The following KIAA1549L variants were observed in gnomAD, a reference collection of about 807,000 sequenced individuals.
The protein encoded by KIAA1549L is KIAA1549 like.
A neutral mutation model predicts 160.7 loss-of-function variants in KIAA1549L; 88 were observed. That is an observed-to-expected ratio of 0.55 (90% CI 0.46 to 0.65). The LOEUF is 0.65. Ranked by LOEUF, KIAA1549L falls within the 30% of genes least tolerant of loss-of-function variation. KIAA1549L has a pLI of 0.00. For missense variants in KIAA1549L, 2,258 were observed against 2,437.5 expected, an observed-to-expected ratio of 0.93 and a Z score of 1.55; for synonymous variants, 950 against 976.7, an observed-to-expected ratio of 0.97 and a Z score of 0.51.
In KIAA1549L at chr11:33,668,272, T is replaced by C; in HGVS notation, c.*118T>C. 1.0e-6 allele frequency: 1 copy of C among 959,740 alleles called. No individual in the cohort carries two copies. 59.5% of individuals were successfully genotyped at this position (959,740 alleles called of 1,614,324 possible). A position where few individuals can be genotyped will look rare whatever the true frequency, so the allele number is the denominator to read the frequency against. ...ATGGGTGAGTCTTTCTCACCCTCCA[T>C]TTCTGAAAAGGTGAACTATGGGGCT... is the stretch of plus-strand genomic sequence containing the variant. On this transcript the variant is annotated 3_prime_UTR_variant, in exon 21 of 21. Coordinates refer to ENST00000658780, the MANE Select transcript of KIAA1549L (RefSeq NM_012194.3).
chr11:33,565,355 C>A (rs557182240), intron 8 of KIAA1549L, among the ~76,000 whole-genome samples: 1 of 152,280 alleles, frequency 6.6e-6, no homozygotes, highest in South Asian at 2.1e-4. Context: ...CAGCAGCTAC[C>A]ATTTATTGCC....
At position 33,566,233 on chromosome 11, in the gene KIAA1549L, C is replaced by T. The variant is rs192910444; in HGVS notation, c.4079-1843C>T. Among the ~76,000 whole-genome samples, 841 of 152,178 alleles carry T rather than the reference C, an allele frequency of 5.5e-3. 7 individuals are homozygous for T. The highest frequency in any genetic ancestry group is 9.5e-3 in the Non-Finnish European group (647 of 68,008). On this transcript the variant is annotated intron_variant, in intron 8 of 20. Transcript: ENST00000658780. ...CACCGAGATTCCCATAAAATAATCCCTGATGACACCTCTCGACTGTCCTGT... is the reference window on the plus strand; with the variant it reads ...CACCGAGATTCCCATAAAATAATCCTTGATGACACCTCTCGACTGTCCTGT...
In KIAA1549L at chr11:33,430,562, C is replaced by T. The variant is rs569680788; in HGVS notation, c.238+53673C>T. 3.9e-5 allele frequency among the ~76,000 whole-genome samples: 6 copies of T among 152,308 alleles called. No homozygotes were observed. In the East Asian group the frequency reaches 1.2e-3, roughly 29 times the overall value. On this transcript the variant is annotated intron_variant, in intron 1 of 20. Coordinates refer to ENST00000658780, the MANE Select transcript of KIAA1549L (RefSeq NM_012194.3). ...ACATTTAAATATTTTTGCAGAGTTT[C>T]ATTTTTATAAGCAAAGTATGGTGAA...
At chr11:33,637,214 G>T (rs549166181) in intron 16 of KIAA1549L, among the ~76,000 whole-genome samples, 2 of 152,284 alleles carry the variant, frequency 1.3e-5, no homozygotes, top group African/African-American at 4.8e-5. Flanking sequence ...TCTGTCAGCA[G>T]CTCTGCCAGT....
At chr11:33,448,153 T>C (rs1851653520) in intron 1 of KIAA1549L, among the ~76,000 whole-genome samples, 2 of 152,218 alleles carry the variant, frequency 1.3e-5, no homozygotes, top group Non-Finnish European at 2.9e-5. Flanking sequence ...TGGGTATACA[T>C]GTGCCATGGT....
At chr11:33,652,496 A>C (rs570258676) in intron 17 of KIAA1549L, among the ~76,000 whole-genome samples, 1 of 152,260 alleles carries the variant, frequency 6.6e-6, no homozygotes, top group African/African-American at 2.4e-5. Flanking sequence ...GCTTGTCAGA[A>C]GTTCAGAATT....
chr11:33,660,343 C>T lies in KIAA1549L; in HGVS notation c.6008-520C>T, dbSNP rs532721418. On this transcript the variant is annotated intron_variant, in intron 19 of 20. Transcript: ENST00000658780. Reference sequence around the variant, plus strand: ...CTGTAATCCCAACACTTTGGGAGGCCGAGGCAGGCGGATCACAAGGTCAGG... The same window carrying T: ...CTGTAATCCCAACACTTTGGGAGGCTGAGGCAGGCGGATCACAAGGTCAGG... Among the ~76,000 whole-genome samples the T allele has an allele frequency of 9.2e-5, 14 of 152,238 alleles. No individual in the cohort carries two copies. The East Asian group carries it at 2.3e-3, about 25-fold the overall frequency.
intron 1 of KIAA1549L, among the ~76,000 whole-genome samples, chr11:33,478,652 A>G (rs1852344215): frequency 6.6e-6 from 1 of 152,230 alleles, no homozygotes; most frequent in Admixed American, 6.5e-5. Context: ...ATGGACAGAT[A>G]GAGTGGTCAC....
In KIAA1549L at chr11:33,656,116, C is replaced by A. The variant is rs776022064; in HGVS notation, c.5858+7C>A. On this transcript the variant is annotated splice_region_variant and intron_variant, in intron 18 of 20. Transcript: ENST00000658780. ...CTGTCGCTTCTCTCAGGCGGTAACA[C>A]GTTCCTTTCTTTGTTTTGTTTGGAA... is the stretch of plus-strand genomic sequence containing the variant. 14 of 1,605,404 alleles carry A rather than the reference C, an allele frequency of 8.7e-6. 1 individual carries two copies. The East Asian group carries it at 2.7e-4, about 31-fold the overall frequency.
chr11:33,568,680 A>G (rs1342454780), intron 9 of KIAA1549L, among the ~76,000 whole-genome samples: 1 of 152,148 alleles, frequency 6.6e-6, no homozygotes, highest in Non-Finnish European at 1.5e-5. Context: ...GTCAGTTTCA[A>G]CAAACAGAAC....
chr11:33,628,028 T>G (rs1851167961), intron 16 of KIAA1549L, among the ~76,000 whole-genome samples: 1 of 152,230 alleles, frequency 6.6e-6, no homozygotes, highest in Non-Finnish European at 1.5e-5. Flanking sequence ...TATTTCTGCC[T>G]TCATTCGTTA....
chr11:33,599,643 C>G (rs1311257805), intron 13 of KIAA1549L: 6 of 152,242 alleles, frequency 3.9e-5, no homozygotes, highest in Non-Finnish European at 7.3e-5. Flanking sequence ...CATCTGAGCA[C>G]CGTAGTTGTG....
chr11:33,445,870 A>T (rs1851600682), intron 1 of KIAA1549L, among the ~76,000 whole-genome samples: 1 of 152,230 alleles, frequency 6.6e-6, no homozygotes, highest in African/African-American at 2.4e-5. Context: ...CACAACAGGA[A>T]GACAGCCATC....
intron 16 of KIAA1549L, among the ~76,000 whole-genome samples, chr11:33,642,597 G>T (rs954789393): frequency 6.6e-6 from 1 of 151,580 alleles, no homozygotes; most frequent in Admixed American, 6.6e-5. Flanking sequence ...TGAGTGGTTT[G>T]GGGGGGTGGA....
intron 10 of KIAA1549L, among the ~76,000 whole-genome samples, chr11:33,575,467 A>C (rs904253305): frequency 3.3e-5 from 5 of 152,236 alleles, no homozygotes; most frequent in African/African-American, 1.2e-4. Flanking sequence ...GGCAGCTGCT[A>C]TGCGAGTTAC....
chr11:33,643,273 T>C (rs1222697798), intron 16 of KIAA1549L, among the ~76,000 whole-genome samples: 1 of 152,036 alleles, frequency 6.6e-6, no homozygotes, highest in Admixed American at 6.5e-5. Context: ...TGTATATATA[T>C]AACATATATA....
At chr11:33,464,464 CTGTGTGTGCA>C (rs1480549853) in intron 1 of KIAA1549L, among the ~76,000 whole-genome samples, 1 of 134,318 alleles carries the variant, frequency 7.4e-6, no homozygotes, top group Non-Finnish European at 1.6e-5. Flanking sequence ...GCCTGCAGAG[CTGTGTGTGCA>C]TGTGTGTGTG....
intron 10 of KIAA1549L, among the ~76,000 whole-genome samples, chr11:33,575,709 G>C (rs1324669954): frequency 6.6e-6 from 1 of 152,208 alleles, no homozygotes; most frequent in Non-Finnish European, 1.5e-5. Flanking sequence ...GTGTATTCCA[G>C]AAAGAGAGGG....
intron 1 of KIAA1549L, among the ~76,000 whole-genome samples, chr11:33,521,666 C>T (rs1023250939): frequency 6.6e-6 from 1 of 152,174 alleles, no homozygotes; most frequent in Non-Finnish European, 1.5e-5. Context: ...TCCTCCCAGA[C>T]TCTAGCAAAT....
Sources: allele counts gnomAD v4.1 joint callset (sites outside exome capture counted in the v4.1 genomes callset), GRCh38; gene constraint gnomAD v4.1.1; transcripts MANE v1.5; gene names NCBI Gene and HGNC (gene_info 2026-07-23, HGNC 2026-07-21).